The following SMAD3 variants were observed in gnomAD, a reference collection of about 807,000 sequenced individuals.
The protein encoded by SMAD3 is MAD homolog 3.
In SMAD3, 12 loss-of-function variants were observed where a neutral mutation model predicts 51.8. The observed-to-expected ratio is 0.23, with a 90% confidence interval of 0.15 to 0.38. SMAD3 has a LOEUF of 0.38. Among genes scored for constraint, SMAD3 ranks in the 10% least tolerant of loss-of-function variants. The pLI is 1.00. For synonymous variants in SMAD3, 238 were observed against 227.7 expected (o/e 1.05, Z -0.41); for missense variants, 294 against 565.6 (o/e 0.52, Z 4.87).
intron 1 of SMAD3, chr15:67,138,063 G>A (rs1010423875): frequency 2.6e-6 from 4 of 1,551,696 alleles, no homozygotes; most frequent in East Asian, 2.4e-5. Context: ...GTGGAAAGGC[G>A]CAGCTCTGGT....
At chr15:67,096,226 T>C (rs754835162) in intron 1 of SMAD3, among the ~76,000 whole-genome samples, 14 of 152,210 alleles carry the variant, frequency 9.2e-5, no homozygotes, top group Non-Finnish European at 1.8e-4. Flanking sequence ...AAAGGAAAGA[T>C]AGGGCACCCA....
intron 1 of SMAD3, among the ~76,000 whole-genome samples, chr15:67,080,086 C>T (rs948142703): frequency 6.6e-6 from 1 of 152,150 alleles, no homozygotes; most frequent in Non-Finnish European, 1.5e-5. Flanking sequence ...AAATCAGGAC[C>T]GTCCAGGCAA....
At chr15:67,124,319 A>G (rs17214419) in intron 1 of SMAD3, among the ~76,000 whole-genome samples, 2 of 152,036 alleles carry the variant, frequency 1.3e-5, no homozygotes, top group Admixed American at 6.6e-5. Flanking sequence ...GGCATTGCTA[A>G]TGATTGCCCT....
intron 1 of SMAD3, among the ~76,000 whole-genome samples, chr15:67,109,856 G>T (rs957741121): frequency 8.5e-5 from 13 of 152,192 alleles, no homozygotes; most frequent in Non-Finnish European, 1.8e-4. Context: ...TCAGCCTGGT[G>T]GAGCGTGCCA....
chr15:67,079,278 C>T (rs1008545241), intron 1 of SMAD3, among the ~76,000 whole-genome samples: 2 of 152,210 alleles, frequency 1.3e-5, no homozygotes, highest in South Asian at 2.1e-4. Context: ...GCACCTCGCC[C>T]CCCGCATATT....
chr15:67,176,077 TGCA>T (rs1308147088), intron 5 of SMAD3, among the ~76,000 whole-genome samples: 1 of 152,198 alleles, frequency 6.6e-6, no homozygotes, highest in African/African-American at 2.4e-5. Flanking sequence ...GGGGTCTCTG[TGCA>T]GCTTGGTTTG....
rs1959893520 is a variant in SMAD3 at position 67,065,686 on chromosome 15, C to A, written c.-469C>A. ...GCCAGCGAGCGAGCGAGCGGCGAGC[C>A]GGGAGGAGGAGGGTGGCGGGGCGGT... On this transcript the variant is annotated 5_prime_UTR_variant, in exon 1 of 9. Coordinates refer to ENST00000327367, the MANE Select transcript of SMAD3 (RefSeq NM_005902.4). 6.6e-6 allele frequency among the ~76,000 whole-genome samples: 1 copy of A among 151,638 alleles called. No homozygotes were observed. The highest frequency in any genetic ancestry group is 1.5e-5 in the Non-Finnish European group (1 of 67,838).
rs1555408269 is a variant in SMAD3, at chr15:67,113,076, G to GTATATATA, written c.206+46728_206+46735dup. Reference sequence around the variant, plus strand: ...CAACTTTTAAAATATATATATATGTGTATATATATATATATATATTTTTTT... The same window carrying GTATATATA: ...CAACTTTTAAAATATATATATATGTGTATATATATATATATATATATATATATTTTTTT... On this transcript the variant is annotated intron_variant, in intron 1 of 8. Transcript: ENST00000327367. Among the ~76,000 whole-genome samples, 20 of 34,972 alleles carry GTATATATA rather than the reference G, an allele frequency of 5.7e-4. 2 individuals carry two copies. The highest frequency in any genetic ancestry group is 1.8e-3 in the Admixed American group (5 of 2,764). The allele number at this position is 34,972 out of a possible 152,430, so 22.9% of individuals were successfully genotyped here.
At position 67,088,750 on chromosome 15, in the gene SMAD3, A is replaced by G. The variant is rs145811121; in HGVS notation, c.206+22390A>G. Among the ~76,000 whole-genome samples, 184 of 152,260 alleles carry G rather than the reference A, an allele frequency of 1.2e-3. 1 individual carries two copies. The East Asian group carries it at 0.032, about 27-fold the overall frequency. The stretch of plus-strand genomic sequence containing the variant: ...GAGACCAGCCCGACCAATATGGTGA[A>G]ACCCTGCCTCTACTAAAAATACAAA... On this transcript the variant is annotated intron_variant, in intron 1 of 8. Transcript: ENST00000327367.
At chr15:67,150,173 G>T (rs1025573659) in intron 1 of SMAD3, among the ~76,000 whole-genome samples, 8 of 152,200 alleles carry the variant, frequency 5.3e-5, no homozygotes, top group South Asian at 2.1e-4. Context: ...CTGCCTCTCC[G>T]CGTGAATGTC....
At chr15:67,152,953 A>G (rs1962185878) in intron 1 of SMAD3, among the ~76,000 whole-genome samples, 1 of 152,166 alleles carries the variant, frequency 6.6e-6, no homozygotes, top group African/African-American at 2.4e-5. Context: ...ACCACAGCCA[A>G]AAGAGAATCT....
intron 1 of SMAD3, among the ~76,000 whole-genome samples, chr15:67,084,226 C>T (rs1258604814): frequency 6.6e-6 from 1 of 151,212 alleles, no homozygotes; most frequent in African/African-American, 2.4e-5. Context: ...CAGGCGTCTG[C>T]CACCACACCT....
intron 8 of SMAD3, among the ~76,000 whole-genome samples, chr15:67,189,580 G>A (rs1278113131): frequency 1.3e-5 from 2 of 152,210 alleles, no homozygotes; most frequent in Admixed American, 6.5e-5. Context: ...CAGCCTTGTC[G>A]TCCTCCTGCC....
intron 1 of SMAD3, among the ~76,000 whole-genome samples, chr15:67,104,865 C>T (rs1258206255): frequency 6.6e-6 from 1 of 152,248 alleles, no homozygotes; most frequent in Non-Finnish European, 1.5e-5. Flanking sequence ...TCCTGGGATC[C>T]AGTTCTTCTC....
chr15:67,100,672 T>C (rs1463534870), intron 1 of SMAD3, among the ~76,000 whole-genome samples: 2 of 152,196 alleles, frequency 1.3e-5, no homozygotes, highest in Admixed American at 6.5e-5. Context: ...TGTATTCCTC[T>C]AATGGTGTCC....
Position 67,190,660 on chromosome 15 carries a change from A to G in SMAD3, c.*124A>G, listed in dbSNP as rs565727784. ...GAAGAAATCTTTCTCCCTCAACTGA[A>G]GGGGTGCACCCACCTGTTTTCTGAA... On this transcript the variant is annotated 3_prime_UTR_variant, in exon 9 of 9. Transcript: ENST00000327367. 9.3e-5 allele frequency: 95 copies of G among 1,023,166 alleles called. 1 individual carries two copies. The highest frequency in any genetic ancestry group is 6.0e-4 in the Middle Eastern group (2 of 3,332). The allele number at this position is 1,023,166 out of a possible 1,614,324, so 63.4% of individuals were successfully genotyped here.
chr15:67,101,866 G>C (rs1240202722), intron 1 of SMAD3, among the ~76,000 whole-genome samples: 1 of 152,186 alleles, frequency 6.6e-6, no homozygotes, highest in African/African-American at 2.4e-5. Context: ...GTTAGCTGTT[G>C]AGACTCTTAC....
chr15:67,176,314 A>G (rs1962892489), intron 5 of SMAD3, among the ~76,000 whole-genome samples: 2 of 152,238 alleles, frequency 1.3e-5, no homozygotes, highest in Non-Finnish European at 2.9e-5. Flanking sequence ...TGGGCAGTCC[A>G]GGCAGAGGAC....
At chr15:67,102,263 TGTGTGCG>T (rs1379974155) in intron 1 of SMAD3, among the ~76,000 whole-genome samples, 1 of 151,410 alleles carries the variant, frequency 6.6e-6, no homozygotes, top group Non-Finnish European at 1.5e-5. Context: ...TGTGTGTGTG[TGTGTGCG>T]GTGTGTGTGT....
Sources: allele counts gnomAD v4.1 joint callset (sites outside exome capture counted in the v4.1 genomes callset), GRCh38; gene constraint gnomAD v4.1.1; transcripts MANE v1.5; gene names NCBI Gene and HGNC (gene_info 2026-07-23, HGNC 2026-07-21).